C2CD2: variants seen among roughly 807,000 people sequenced by gnomAD.
C2CD2 encodes C2 calcium dependent domain containing 2.
In C2CD2, 43 loss-of-function variants were observed where a neutral mutation model predicts 74.3. That is an observed-to-expected ratio of 0.58 (90% CI 0.45 to 0.75). The LOEUF is 0.75. C2CD2 is among the 30% of genes least tolerant of loss of function. C2CD2 has a pLI of 0.00. For missense variants in C2CD2, 801 were observed against 916.3 expected (o/e 0.87, Z 1.63); for synonymous variants, 422 against 390.7 (o/e 1.08, Z -0.94).
intron 2 of C2CD2, among the ~76,000 whole-genome samples, chr21:41,925,262 G>A (rs1265879646): frequency 6.6e-6 from 1 of 152,042 alleles, no homozygotes; most frequent in Non-Finnish European, 1.5e-5. Flanking sequence ...GAGGCAGGAG[G>A]ACTGCTTGAG....
chr21:41,900,503 G>C (rs2064881775), intron 12 of C2CD2, among the ~76,000 whole-genome samples: 1 of 152,190 alleles, frequency 6.6e-6, no homozygotes, highest in Admixed American at 6.5e-5. Flanking sequence ...GACTTCCAGA[G>C]AGGTCATGGA....
In C2CD2 at chr21:41,889,025, C is replaced by G; in HGVS notation, c.*99G>C. 1 of 849,422 alleles carries G rather than the reference C, an allele frequency of 1.2e-6. No individual in the cohort carries two copies. 52.6% of individuals were successfully genotyped at this position (849,422 alleles called of 1,614,324 possible). A position where few individuals can be genotyped will look rare whatever the true frequency, so the allele number is the denominator to read the frequency against. ...GTTGGAAGAAACCCAGCAAGACAAG[C>G]GGGGCATCTGGACATCCGGCGGACA... On this transcript the variant is annotated 3_prime_UTR_variant, in exon 14 of 14. Coordinates refer to ENST00000380486, the MANE Select transcript of C2CD2 (RefSeq NM_015500.2).
intron 9 of C2CD2, 139 bp downstream of exon 9, chr21:41,907,521 C>A: frequency 2.2e-6 from 2 of 918,064 alleles, no homozygotes; most frequent in Non-Finnish European, 3.2e-6. Context: ...GTCCTGCGTA[C>A]GATGAAACAG....
In C2CD2 at chr21:41,899,412, G is replaced by A. The variant is rs185611903; in HGVS notation, c.1561-50C>T. ...ACAAGGGATACATGAAAGGAAGGGAGGGTTTGAAAAGAACTGAAAAGCACT... is the reference window on the plus strand; with the variant it reads ...ACAAGGGATACATGAAAGGAAGGGAAGGTTTGAAAAGAACTGAAAAGCACT... On this transcript the variant is annotated intron_variant, in intron 12 of 13. Transcript: ENST00000380486. The surrounding 1 kb of genome is among the most constrained non-coding windows in gnomAD (Gnocchi z 4.4). 4.0e-4 allele frequency: 618 copies of A among 1,549,956 alleles called. 2 individuals are homozygous for A. The African/African-American group carries it at 7.3e-3, about 18-fold the overall frequency.
rs138596117 is a variant in C2CD2, at chr21:41,931,751, G to T, written c.379-9666C>A. 4.5e-3 allele frequency among the ~76,000 whole-genome samples: 674 copies of T among 150,234 alleles called. 16 individuals are homozygous for T. The highest frequency in any genetic ancestry group is 0.015 in the African/African-American group (603 of 41,426). On this transcript the variant is annotated intron_variant, in intron 2 of 13. Transcript: ENST00000380486. ...TCTTTTATATGCTGACAAAAGGGCTGTTGGGGGGGACCCCAGATAGCACCA... is the reference window on the plus strand; with the variant it reads ...TCTTTTATATGCTGACAAAAGGGCTTTTGGGGGGGACCCCAGATAGCACCA...
Position 41,929,171 on chromosome 21 carries a change from T to C in C2CD2, c.379-7086A>G, listed in dbSNP as rs528539941. On this transcript the variant is annotated intron_variant, in intron 2 of 13. Coordinates refer to ENST00000380486, the MANE Select transcript of C2CD2 (RefSeq NM_015500.2). This position sits in a 1 kb window ranked among gnomAD's most constrained non-coding sequence, Gnocchi z 4.6. Reference sequence around the variant, plus strand: ...TGGCATGGTTTATTTTGTGCTGTGGTTGGAGCTAGATTCTGGAGGCCAAAT... The same window carrying C: ...TGGCATGGTTTATTTTGTGCTGTGGCTGGAGCTAGATTCTGGAGGCCAAAT... Among the ~76,000 whole-genome samples, 1 of 152,152 alleles carries C rather than the reference T, an allele frequency of 6.6e-6. No homozygotes were observed. The highest frequency in any genetic ancestry group is 2.4e-5 in the African/African-American group (1 of 41,502).
chr21:41,946,818 A>C (rs1331956152), intron 1 of C2CD2, among the ~76,000 whole-genome samples: 1 of 152,166 alleles, frequency 6.6e-6, no homozygotes, highest in East Asian at 1.9e-4. Context: ...TGGTTTGTGT[A>C]ATCTCGCTCC....
intron 3 of C2CD2, among the ~76,000 whole-genome samples, chr21:41,920,189 C>G (rs2065140380): frequency 6.6e-6 from 1 of 152,240 alleles, no homozygotes; most frequent in African/African-American, 2.4e-5. Context: ...GCAGGCAGCC[C>G]TGACAGCTCC....
chr21:41,953,670 G>A lies in C2CD2; in HGVS notation c.-22C>T. 7.2e-7 allele frequency: 1 copy of A among 1,386,692 alleles called. No homozygotes were observed. The highest frequency in any genetic ancestry group is 1.6e-5 in the South Asian group (1 of 63,974). 85.9% of individuals were successfully genotyped at this position (1,386,692 alleles called of 1,614,324 possible). ...CCATGGCGCATCCCCGGCCCGCCTC[G>A]CCCCAACTTCCCCGGCAGCCCCGGG... On this transcript the variant is annotated 5_prime_UTR_variant, in exon 1 of 14. Coordinates refer to ENST00000380486, the MANE Select transcript of C2CD2 (RefSeq NM_015500.2).
intron 1 of C2CD2, chr21:41,942,977 T>C: frequency 1.0e-6 from 1 of 982,492 alleles, no homozygotes; most frequent in South Asian, 4.7e-5. Flanking sequence ...CTCGGTCAGC[T>C]CATGTCTGTT....
In C2CD2 at chr21:41,939,886, T is replaced by C. The variant is rs2065340374; in HGVS notation, c.378+2261A>G. 6.6e-6 allele frequency among the ~76,000 whole-genome samples: 1 copy of C among 152,148 alleles called. No individual in the cohort carries two copies. The highest frequency in any genetic ancestry group is 2.4e-5 in the African/African-American group (1 of 41,422). ...GACCCGCCAGGCTCATGCCTGCCCT[T>C]GGGGTCCTCCGGTGCTTGTCTGAGG... On this transcript the variant is annotated intron_variant, in intron 2 of 13. Coordinates refer to ENST00000380486, the MANE Select transcript of C2CD2 (RefSeq NM_015500.2). This position sits in a 1 kb window ranked among gnomAD's most constrained non-coding sequence, Gnocchi z 5.5.
In C2CD2 at chr21:41,892,473, G is replaced by A. The variant is rs1490328232; in HGVS notation, c.1871-3129C>T. 1.3e-5 allele frequency among the ~76,000 whole-genome samples: 2 copies of A among 152,164 alleles called. No individual in the cohort carries two copies. Among genetic ancestry groups the A allele is most frequent in the African/African-American group, 4.8e-5 (2 of 41,432 alleles). Reference sequence around the variant, plus strand: ...GCATTTGGCTTAAGGATCCAGGAACGTCCACCATGTCTTCCTGTTCAGTCC... The same window carrying A: ...GCATTTGGCTTAAGGATCCAGGAACATCCACCATGTCTTCCTGTTCAGTCC... On this transcript the variant is annotated intron_variant, in intron 13 of 13. Transcript: ENST00000380486. This position sits in a 1 kb window ranked among gnomAD's most constrained non-coding sequence, Gnocchi z 4.6.
At chr21:41,897,791 G>A (rs995534729) in intron 13 of C2CD2, among the ~76,000 whole-genome samples, 48 of 152,242 alleles carry the variant, frequency 3.2e-4, no homozygotes, top group Non-Finnish European at 7.3e-5. Context: ...GACAGACTCA[G>A]ACAGTCCAGC....
At position 41,926,392 on chromosome 21, in the gene C2CD2, G is replaced by T; in HGVS notation, c.379-4307C>A. ...AGGGTCTCCACATGGAAAGGCCAAGGGGGGACTCACGGTTGGCAGGTGAGG... is the reference window on the plus strand; with the variant it reads ...AGGGTCTCCACATGGAAAGGCCAAGTGGGGACTCACGGTTGGCAGGTGAGG... On this transcript the variant is annotated intron_variant, in intron 2 of 13. Coordinates refer to ENST00000380486, the MANE Select transcript of C2CD2 (RefSeq NM_015500.2). The surrounding 1 kb of genome is among the most constrained non-coding windows in gnomAD (Gnocchi z 8.0). 2 of 979,142 alleles carry T rather than the reference G, an allele frequency of 2.0e-6. No homozygotes were observed. Among genetic ancestry groups the T allele is most frequent in the Non-Finnish European group, 2.4e-6 (2 of 824,230 alleles). 60.7% of individuals were successfully genotyped at this position (979,142 alleles called of 1,614,324 possible). A position where few individuals can be genotyped will look rare whatever the true frequency, so the allele number is the denominator to read the frequency against.
chr21:41,904,682 A>G (rs931068484), intron 11 of C2CD2, among the ~76,000 whole-genome samples: 3 of 152,170 alleles, frequency 2.0e-5, no homozygotes, highest in African/African-American at 7.2e-5. Flanking sequence ...AACTTTCACC[A>G]GGCTGAGAAT....
At chr21:41,947,622 G>C (rs966914639) in intron 1 of C2CD2, among the ~76,000 whole-genome samples, 1 of 152,188 alleles carries the variant, frequency 6.6e-6, no homozygotes, top group African/African-American at 2.4e-5. Context: ...TGTGAAAGCA[G>C]TTCAAAATAA....
chr21:41,886,552 T>G lies in C2CD2; in HGVS notation c.*2572A>C, dbSNP rs1040320847. 5 of 152,202 alleles carry G rather than the reference T, an allele frequency of 3.3e-5. No individual in the cohort carries two copies. The highest frequency in any genetic ancestry group is 6.5e-5 in the Admixed American group (1 of 15,286). The allele number at this position is 152,202 out of a possible 1,614,324, so 9.4% of individuals were successfully genotyped here. On this transcript the variant is annotated 3_prime_UTR_variant, in exon 14 of 14. Transcript: ENST00000380486. The stretch of plus-strand genomic sequence containing the variant: ...TTTCTGTAACTTCAGAAAAGGCCAT[T>G]GGATGGAGACAACGTGTGCGTGTCT...
Position 41,939,290 on chromosome 21 carries a change from G to A in C2CD2, c.378+2857C>T, listed in dbSNP as rs536219528. On this transcript the variant is annotated intron_variant, in intron 2 of 13. Coordinates refer to ENST00000380486, the MANE Select transcript of C2CD2 (RefSeq NM_015500.2). The surrounding 1 kb of genome is among the most constrained non-coding windows in gnomAD (Gnocchi z 5.5). ...AAGGATTACAATTGAATTACCTACC[G>A]TGTAAGGCCACTTTTCTGGCAATAT... 3.9e-5 allele frequency among the ~76,000 whole-genome samples: 6 copies of A among 152,226 alleles called. No homozygotes were observed. The highest frequency in any genetic ancestry group is 4.2e-4 in the South Asian group (2 of 4,818).
intron 1 of C2CD2, 135 bp from the exon 2 acceptor site, chr21:41,942,380 G>A (rs2065362179): frequency 1.5e-6 from 1 of 681,446 alleles, no homozygotes; most frequent in East Asian, 2.8e-5. Context: ...GCTTCTAATA[G>A]CAGCAATGGC....
Sources: gnomAD v4.1 joint callset for allele counts (sites outside exome capture counted in the v4.1 genomes callset) on GRCh38, gnomAD v4.1.1 for gene constraint, Gnocchi (gnomAD v3.1) non-coding constraint, MANE v1.5 for transcripts, NCBI Gene and HGNC (gene_info 2026-07-23, HGNC 2026-07-21) for gene names.